The following THSD4 variants were observed in gnomAD, a reference collection of about 807,000 sequenced individuals.
THSD4 encodes the protein thrombospondin type 1 domain containing 4.
A neutral mutation model predicts 119.0 loss-of-function variants in THSD4; 69 were observed. The ratio of observed to expected loss-of-function variants is 0.58; its 90% CI spans 0.48 to 0.71. The LOEUF (loss-of-function observed/expected upper bound fraction) is 0.71, where lower values mean the gene tolerates loss of function less well. THSD4 is among the 30% of genes least tolerant of loss of function. The pLI is 0.00. For missense variants in THSD4, 1,393 were observed against 1,391.1 expected, an observed-to-expected ratio of 1.00 and a Z score of -0.02; for synonymous variants, 524 against 540.4, an observed-to-expected ratio of 0.97 and a Z score of 0.42.
rs72267245 is a variant in THSD4, at chr15:71,762,150, A to AACAC, written c.2590-2844_2590-2841dup. Among the ~76,000 whole-genome samples the AACAC allele has an allele frequency of 3.4e-3, 377 of 112,300 alleles. 2 individuals carry two copies. The highest frequency in any genetic ancestry group is 7.6e-3 in the African/African-American group (299 of 39,254). The allele number at this position is 112,300 out of a possible 152,430, so 73.7% of individuals were successfully genotyped here. ...AAATGCTGTCTCATGCGCGTGTGCA[A>AACAC]ACACACACACACACACACACACACA... On this transcript the variant is annotated intron_variant, in intron 15 of 17. Transcript: ENST00000261862.
chr15:71,203,648 A>G (rs1238881782), intron 3 of THSD4, among the ~76,000 whole-genome samples: 1 of 152,240 alleles, frequency 6.6e-6, no homozygotes, highest in Non-Finnish European at 1.5e-5. Context: ...CCTGGGCGAC[A>G]GAGCAAGACT....
In THSD4 at chr15:71,390,952, T is replaced by G. The variant is rs189175586; in HGVS notation, c.1016-20735T>G. 2.3e-3 allele frequency among the ~76,000 whole-genome samples: 315 copies of G among 137,870 alleles called. 1 individual carries two copies. The highest frequency in any genetic ancestry group is 0.012 in the Middle Eastern group (3 of 256). 90.4% of individuals were successfully genotyped at this position (137,870 alleles called of 152,430 possible). A position where few individuals can be genotyped will look rare whatever the true frequency, so the allele number is the denominator to read the frequency against. On this transcript the variant is annotated intron_variant, in intron 6 of 17. Coordinates refer to ENST00000261862, the MANE Select transcript of THSD4 (RefSeq NM_024817.3). ...ATAGCTCACTGCACCCTTGAACTCC[T>G]GATGCTCAAGGGATCCTCCCATCTC...
intron 6 of THSD4, among the ~76,000 whole-genome samples, chr15:71,400,815 C>T (rs560889940): frequency 1.3e-5 from 2 of 150,062 alleles, no homozygotes; most frequent in African/African-American, 2.5e-5. Flanking sequence ...ACAGGGATAT[C>T]GTATATTCCA....
At chr15:71,201,486 C>T (rs752408370) in intron 3 of THSD4, among the ~76,000 whole-genome samples, 24 of 152,346 alleles carry the variant, frequency 1.6e-4, no homozygotes, top group African/African-American at 2.2e-4. Context: ...CTGCCTGTAA[C>T]GTGGCAGAAT....
chr15:71,363,351 T>C (rs1490172121), intron 6 of THSD4, among the ~76,000 whole-genome samples: 1 of 152,212 alleles, frequency 6.6e-6, no homozygotes, highest in Non-Finnish European at 1.5e-5. Context: ...CTTGGTCTAA[T>C]TGGCTGTTAT....
chr15:71,747,099 C>T, intron 13 of THSD4, 57 bp downstream of exon 13: 3 of 1,524,762 alleles, frequency 2.0e-6, no homozygotes, highest in Non-Finnish European at 2.6e-6. Flanking sequence ...ACCACACTTT[C>T]CAGCCTCCCC....
chr15:71,159,235 A>C lies in THSD4; in HGVS notation c.99+4303A>C, dbSNP rs538958325. ...TACTATAGATGTGTAGTATATTTTG[A>C]AGTCAGGTTGTGTGATGCTTCCAGT... is the stretch of plus-strand genomic sequence containing the variant. On this transcript the variant is annotated intron_variant, in intron 3 of 17. Coordinates refer to ENST00000261862, the MANE Select transcript of THSD4 (RefSeq NM_024817.3). 2.0e-5 allele frequency among the ~76,000 whole-genome samples: 3 copies of C among 152,230 alleles called. No homozygotes were observed. The East Asian group carries it at 5.8e-4, about 29-fold the overall frequency.
At chr15:71,395,916 C>G (rs10444853) in intron 6 of THSD4, among the ~76,000 whole-genome samples, 2,844 of 85,800 alleles carry the variant, frequency 0.033, 41 homozygotes, top group South Asian at 0.071. Flanking sequence ...TGAAGAGAGA[C>G]ACACACACAC....
chr15:71,633,672 C>A (rs545252482), intron 7 of THSD4, among the ~76,000 whole-genome samples: 4 of 152,202 alleles, frequency 2.6e-5, no homozygotes, highest in Non-Finnish European at 5.9e-5. Context: ...TCTTTCAGTT[C>A]ATTTAGTTTC....
At chr15:71,254,793 A>G (rs1383329248) in intron 5 of THSD4, among the ~76,000 whole-genome samples, 2 of 152,200 alleles carry the variant, frequency 1.3e-5, no homozygotes, top group Non-Finnish European at 2.9e-5. Flanking sequence ...GTTGGCTTCC[A>G]GAGCCCTAGG....
At position 71,701,736 on chromosome 15, in the gene THSD4, G is replaced by T. The variant is rs557262701; in HGVS notation, c.1358-26813G>T. ...TACATGTGAACTTTTATATAATTTT[G>T]TTTATGCCTGTCCGCACATGCACAG... On this transcript the variant is annotated intron_variant, in intron 8 of 17. Transcript: ENST00000261862. Among the ~76,000 whole-genome samples, 5 of 152,158 alleles carry T rather than the reference G, an allele frequency of 3.3e-5. No individual in the cohort carries two copies. In the East Asian group the frequency reaches 9.7e-4, roughly 29 times the overall value.
chr15:71,738,134 A>C, intron 11 of THSD4, 127 bp downstream of exon 11: 3 of 1,283,464 alleles, frequency 2.3e-6, no homozygotes, highest in Non-Finnish European at 3.2e-6. Flanking sequence ...CGATTTCTCC[A>C]TGGATGGTGG....
chr15:71,172,995 A>G (rs1387015869), intron 3 of THSD4, among the ~76,000 whole-genome samples: 2 of 151,968 alleles, frequency 1.3e-5, no homozygotes, highest in African/African-American at 4.8e-5. Flanking sequence ...TGCCACTTCT[A>G]TTTAACACAG....
At chr15:71,232,257 G>A in intron 4 of THSD4, among the ~76,000 whole-genome samples, 1 of 152,126 alleles carries the variant, frequency 6.6e-6, no homozygotes, top group East Asian at 1.9e-4. Flanking sequence ...GAAACTCCTA[G>A]CCTTTCTGTC....
chr15:71,288,608 G>A (rs1011726987), intron 6 of THSD4, among the ~76,000 whole-genome samples: 4 of 152,070 alleles, frequency 2.6e-5, no homozygotes, highest in Non-Finnish European at 5.9e-5. Flanking sequence ...ACATAGAATG[G>A]GACAAATAAT....
At chr15:71,403,234 C>T (rs1445418133) in intron 6 of THSD4, among the ~76,000 whole-genome samples, 1 of 152,168 alleles carries the variant, frequency 6.6e-6, no homozygotes, top group African/African-American at 2.4e-5. Flanking sequence ...TGGTAGTCTA[C>T]ATCCTCCAAT....
chr15:71,509,635 C>G (rs1193471760), intron 7 of THSD4, among the ~76,000 whole-genome samples: 2 of 152,198 alleles, frequency 1.3e-5, no homozygotes, highest in African/African-American at 4.8e-5. Context: ...CTGTTGGACT[C>G]CAAATCCCAC....
chr15:71,593,698 C>G (rs115592394), intron 7 of THSD4, among the ~76,000 whole-genome samples: 1,869 of 152,050 alleles, frequency 0.012, 45 homozygotes, highest in African/African-American at 0.042. Flanking sequence ...GAGTTTGAGA[C>G]CAACCAACCT....
intron 12 of THSD4, 28 bp downstream of exon 12, chr15:71,745,263 C>G (rs1483770917): frequency 1.2e-6 from 2 of 1,612,688 alleles, no homozygotes; most frequent in South Asian, 1.1e-5. Flanking sequence ...TTTAGGTCGC[C>G]TATTACCGGG....
Sources: allele counts gnomAD v4.1 joint callset (sites outside exome capture counted in the v4.1 genomes callset), GRCh38; gene constraint gnomAD v4.1.1; transcripts MANE v1.5; gene names NCBI Gene and HGNC (gene_info 2026-07-23, HGNC 2026-07-21).